ATP6V0D2: variants seen among roughly 807,000 people sequenced by gnomAD.
The protein encoded by ATP6V0D2 is ATPase H+ transporting V0 subunit d2, also known as V-type proton ATPase subunit d 2.
Under a neutral mutation model 40.0 loss-of-function variants are expected in ATP6V0D2, and 40 were observed. That is an observed-to-expected ratio of 1.00 (90% confidence interval 0.78 to 1.30). The LOEUF (loss-of-function observed/expected upper bound fraction) is 1.30, where lower values mean the gene tolerates loss of function less well. ATP6V0D2 is among the 50% of genes most tolerant of loss of function. The pLI is 0.00. For synonymous variants in ATP6V0D2, 179 were observed against 156.3 expected, an observed-to-expected ratio of 1.15 and a Z score of -1.08; for missense variants, 470 against 423.1, an observed-to-expected ratio of 1.11 and a Z score of -0.97.
chr8:86,123,965 G>C (rs1563559841), intron 2 of ATP6V0D2, among the ~76,000 whole-genome samples: 1 of 152,052 alleles, frequency 6.6e-6, no homozygotes, highest in African/African-American at 2.4e-5. Flanking sequence ...TGAGTTTTGT[G>C]TCTTTCTTTC....
chr8:86,140,400 A>G (rs1818956478), intron 3 of ATP6V0D2, among the ~76,000 whole-genome samples: 1 of 152,180 alleles, frequency 6.6e-6, no homozygotes, highest in African/African-American at 2.4e-5. Flanking sequence ...AGAGAGGTTG[A>G]GACTGCAATC....
chr8:86,152,482 C>T (rs190971241), intron 7 of ATP6V0D2, among the ~76,000 whole-genome samples: 20 of 152,294 alleles, frequency 1.3e-4, no homozygotes, highest in African/African-American at 4.1e-4. Context: ...GGTTCTAGAT[C>T]CTTGAAGAAT....
chr8:86,115,235 G>C (rs895767126), intron 2 of ATP6V0D2, among the ~76,000 whole-genome samples: 1 of 151,996 alleles, frequency 6.6e-6, no homozygotes, highest in Non-Finnish European at 1.5e-5. Context: ...GCCTCTGTCT[G>C]GTTGAACGAT....
At chr8:86,113,045 G>C (rs2130237888) in intron 1 of ATP6V0D2, among the ~76,000 whole-genome samples, 1 of 151,870 alleles carries the variant, frequency 6.6e-6, no homozygotes, top group East Asian at 1.9e-4. Context: ...AGTTGGGATG[G>C]AGCATTTGTA....
intron 5 of ATP6V0D2, among the ~76,000 whole-genome samples, chr8:86,145,420 C>T (rs72686779): frequency 0.059 from 6,692 of 112,690 alleles, 274 homozygotes; most frequent in African/African-American, 0.14. Context: ...AAAGAAAAGA[C>T]GAGGTATCTC....
chr8:86,151,833 C>T (rs139832068), intron 7 of ATP6V0D2, among the ~76,000 whole-genome samples: 1 of 148,258 alleles, frequency 6.7e-6, no homozygotes, highest in Non-Finnish European at 1.5e-5. Flanking sequence ...ACATTCAATT[C>T]CTCATGGAAT....
Position 86,131,658 on chromosome 8 carries a change from G to A in ATP6V0D2, c.303-7799G>A, listed in dbSNP as rs139345464. ...TGGGATTACAGGCACCTGTCACCAC[G>A]CCCAGCTAATTCTTGTATTTTTAGT... On this transcript the variant is annotated intron_variant, in intron 2 of 7. Coordinates refer to ENST00000285393, the MANE Select transcript of ATP6V0D2 (RefSeq NM_152565.1). Among the ~76,000 whole-genome samples the A allele has an allele frequency of 9.8e-3, 1,482 of 151,442 alleles. 21 individuals carry two copies. Among genetic ancestry groups the A allele is most frequent in the African/African-American group, 0.034 (1,399 of 41,232 alleles).
At chr8:86,103,033 G>C (rs1046384820) in intron 1 of ATP6V0D2, among the ~76,000 whole-genome samples, 1 of 152,058 alleles carries the variant, frequency 6.6e-6, no homozygotes, top group Non-Finnish European at 1.5e-5. Flanking sequence ...AATACTTAAA[G>C]TTTAGTAGTA....
At chr8:86,145,086 T>A (rs1416252650) in intron 5 of ATP6V0D2, among the ~76,000 whole-genome samples, 1 of 150,788 alleles carries the variant, frequency 6.6e-6, no homozygotes, top group Non-Finnish European at 1.5e-5. Flanking sequence ...GTGTGAAGGT[T>A]GAACCTGGGA....
chr8:86,126,886 C>T (rs1393725492), intron 2 of ATP6V0D2, among the ~76,000 whole-genome samples: 1 of 152,124 alleles, frequency 6.6e-6, no homozygotes, highest in African/African-American at 2.4e-5. Context: ...TGTAGAGAAT[C>T]TTAAATACTG....
At chr8:86,118,085 C>CTTTTTTTT (rs1222811419) in intron 2 of ATP6V0D2, among the ~76,000 whole-genome samples, 5 of 27,596 alleles carry the variant, frequency 1.8e-4, no homozygotes, top group Admixed American at 4.2e-4. Context: ...TTCTTTCTTT[C>CTTTTTTTT]TTTTTTTTTT....
At position 86,150,302 on chromosome 8, in the gene ATP6V0D2, C is replaced by T; in HGVS notation, c.816+14C>T. 6.2e-7 allele frequency: 1 copy of T among 1,610,106 alleles called. No homozygotes were observed. The highest frequency in any genetic ancestry group is 8.5e-7 in the Non-Finnish European group (1 of 1,177,380). On this transcript the variant is annotated intron_variant, in intron 6 of 7. Coordinates refer to ENST00000285393, the MANE Select transcript of ATP6V0D2 (RefSeq NM_152565.1). Reference sequence around the variant, plus strand: ...GATCATTACGGAGTATGTGATGACACTGGCTTCCCTAAGTCCTTTGTGTTC... The same window carrying T: ...GATCATTACGGAGTATGTGATGACATTGGCTTCCCTAAGTCCTTTGTGTTC...
chr8:86,137,618 C>A (rs1413958745), intron 2 of ATP6V0D2, among the ~76,000 whole-genome samples: 3 of 152,168 alleles, frequency 2.0e-5, no homozygotes, highest in African/African-American at 7.2e-5. Flanking sequence ...CTCATTCCAT[C>A]TAAAACATCT....
Position 86,108,696 on chromosome 8 carries a change from G to A in ATP6V0D2, c.131-5013G>A, listed in dbSNP as rs562391366. On this transcript the variant is annotated intron_variant, in intron 1 of 7. Coordinates refer to ENST00000285393, the MANE Select transcript of ATP6V0D2 (RefSeq NM_152565.1). ...CAACCCTCCTGCCTCGGCCTCCAGA[G>A]TAGCTGGGGTTACAAGCATCAGCCA... 3.4e-3 allele frequency among the ~76,000 whole-genome samples: 521 copies of A among 152,186 alleles called. 3 individuals are homozygous for A. Among genetic ancestry groups the A allele is most frequent in the African/African-American group, 0.011 (468 of 41,526 alleles).
At position 86,151,531 on chromosome 8, in the gene ATP6V0D2, C is replaced by T. The variant is rs746488802; in HGVS notation, c.882C>T (p.Tyr294=). 20 of 1,606,572 alleles carry T rather than the reference C, an allele frequency of 1.2e-5. No individual in the cohort carries two copies. The highest frequency in any genetic ancestry group is 3.4e-5 in the Admixed American group (2 of 59,032). The change falls in exon 7 of 8, where the codon TAC becomes TAT. Residue 294 remains tyrosine, a synonymous_variant. Coordinates refer to ENST00000285393, the MANE Select transcript of ATP6V0D2 (RefSeq NM_152565.1). ...GAAAGACATTGGAGGACGTGTTTTA[C>T]GAGCGTGAGGTATGATATAAGTGGA... The part of the protein sequence containing the change: ...SGGKTLEDVF[Y]EREVQMNVLA...
At chr8:86,111,646 T>C (rs1192326997) in intron 1 of ATP6V0D2, among the ~76,000 whole-genome samples, 1 of 152,220 alleles carries the variant, frequency 6.6e-6, no homozygotes, top group Non-Finnish European at 1.5e-5. Context: ...TTTTAATTTA[T>C]TTCTCTCCCA....
chr8:86,151,261 A>G (rs181621012), intron 6 of ATP6V0D2, among the ~76,000 whole-genome samples: 5 of 152,284 alleles, frequency 3.3e-5, no homozygotes, highest in Middle Eastern at 3.4e-3. Context: ...TGAACAAGCC[A>G]ATAGGCTAGA....
At chr8:86,118,022 CTTTCT>C (rs777014116) in intron 2 of ATP6V0D2, among the ~76,000 whole-genome samples, 55 of 124,426 alleles carry the variant, frequency 4.4e-4, no homozygotes, top group African/African-American at 2.4e-3. Flanking sequence ...TTCTTTCTTT[CTTTCT>C]TTTTTTTTCT....
chr8:86,114,247 T>G (rs537419796), intron 2 of ATP6V0D2, among the ~76,000 whole-genome samples: 2 of 152,306 alleles, frequency 1.3e-5, no homozygotes, highest in South Asian at 4.1e-4. Flanking sequence ...CTCAAAGTAT[T>G]CATAAGGTCA....
Sources: gnomAD v4.1 joint callset for allele counts (sites outside exome capture counted in the v4.1 genomes callset) on GRCh38, gnomAD v4.1.1 for gene constraint, MANE v1.5 for transcripts, NCBI Gene and HGNC (gene_info 2026-07-23, HGNC 2026-07-21) for gene names.